PSME4: variants seen among roughly 807,000 people sequenced by gnomAD.
PSME4 encodes the protein proteasome activator subunit 4.
A neutral mutation model predicts 253.9 loss-of-function variants in PSME4; 89 were observed. That is an observed-to-expected ratio of 0.35 (90% CI 0.30 to 0.42). The LOEUF (loss-of-function observed/expected upper bound fraction) is 0.42. Among genes scored for constraint, PSME4 ranks in the 10% least tolerant of loss-of-function variants. PSME4 has a pLI of 1.00. For synonymous variants in PSME4, 851 were observed against 759.2 expected (o/e 1.12, Z -1.99); for missense variants, 2,014 against 2,195.2 (o/e 0.92, Z 1.65).
In PSME4 at chr2:53,908,517, A is replaced by G. The variant is rs747163331; in HGVS notation, c.2678T>C (p.Ile893Thr). 1.8e-5 allele frequency: 29 copies of G among 1,609,760 alleles called. No individual in the cohort carries two copies. The highest frequency in any genetic ancestry group is 2.0e-5 in the Non-Finnish European group (23 of 1,177,762). ...SEDDTKSLFL[I>T]IKIIGDLLQF... ...ATCAAATGACAAATGTACCTTTATA[A>G]TAAGAAACAATGACTTAGTATCATC... The change falls in exon 23 of 47, where the codon ATT (isoleucine) becomes ACT (threonine). Residue 893 changes from isoleucine to threonine, a missense_variant. By Grantham distance (89) the Ile-to-Thr change is moderately conservative. This residue lies in a region of PSME4 where 989 missense variants were observed against 1,021.1 expected (regional missense o/e 0.97). Transcript: ENST00000404125.
In PSME4 at chr2:53,895,618, C is replaced by T. The variant is rs1680104511; in HGVS notation, c.3807G>A (p.Val1269=). 1 of 1,612,542 alleles carries T rather than the reference C, an allele frequency of 6.2e-7. No homozygotes were observed. Among genetic ancestry groups the T allele is most frequent in the Admixed American group, 1.7e-5 (1 of 59,682 alleles). Reference sequence around the variant, plus strand: ...TGTAGTATCCCCAGTGAGTTTTTTCCACAAAGCAACTTGACTCCCATTCTT... The same window carrying T: ...TGTAGTATCCCCAGTGAGTTTTTTCTACAAAGCAACTTGACTCCCATTCTT... ...TKKEWESSCF[V]EKTHWGYYTW... is the part of the protein sequence containing the mutation. The change falls in exon 33 of 47, where the codon GTG becomes GTA. Residue 1269 remains valine (V), a synonymous_variant. Coordinates refer to ENST00000404125, the MANE Select transcript of PSME4 (RefSeq NM_014614.3).
chr2:53,884,021 T>A (rs561777095), intron 41 of PSME4, among the ~76,000 whole-genome samples: 23 of 152,288 alleles, frequency 1.5e-4, no homozygotes, highest in African/African-American at 4.6e-4. Context: ...AGTAAACACG[T>A]TTCTTTTAAA....
At chr2:53,884,387 T>A (rs1204355935) in intron 41 of PSME4, among the ~76,000 whole-genome samples, 1 of 152,154 alleles carries the variant, frequency 6.6e-6, no homozygotes, top group African/African-American at 2.4e-5. Flanking sequence ...ATTTTTGTAT[T>A]TTTAGTAGAG....
At chr2:53,895,841 A>G in intron 32 of PSME4, 105 bp from the exon 33 acceptor site, 2 of 1,043,876 alleles carry the variant, frequency 1.9e-6, no homozygotes, top group East Asian at 2.5e-5. Flanking sequence ...TCACAAAACA[A>G]CACTACAAAA....
intron 1 of PSME4, among the ~76,000 whole-genome samples, chr2:53,958,524 A>AAAC (rs1435066454): frequency 5.3e-5 from 8 of 152,328 alleles, no homozygotes; most frequent in Non-Finnish European, 7.4e-5. Context: ...ATCCATTTGA[A>AAAC]AACACACACG....
chr2:53,925,183 G>C (rs1262021836), intron 14 of PSME4, among the ~76,000 whole-genome samples: 2 of 152,180 alleles, frequency 1.3e-5, no homozygotes, highest in African/African-American at 4.8e-5. Flanking sequence ...ATGTAAAAAA[G>C]TGGCATTAAA....
intron 1 of PSME4, 69 bp downstream of exon 1, chr2:53,970,474 G>A (rs1043053849): frequency 1.3e-6 from 2 of 1,544,098 alleles, no homozygotes; most frequent in Non-Finnish European, 1.7e-6. Flanking sequence ...TGGACAAAGA[G>A]CAACCATCCC....
chr2:53,945,225 T>C (rs551989281), intron 3 of PSME4, among the ~76,000 whole-genome samples: 2 of 152,348 alleles, frequency 1.3e-5, no homozygotes, highest in East Asian at 3.9e-4. Context: ...ATACTATAAC[T>C]TGCAATATGC....
intron 1 of PSME4, among the ~76,000 whole-genome samples, chr2:53,969,304 G>T (rs951519349): frequency 6.6e-5 from 10 of 152,048 alleles, no homozygotes; most frequent in Admixed American, 1.3e-4. Flanking sequence ...CTCTGAAGAG[G>T]GCAAATTACA....
intron 43 of PSME4, chr2:53,871,022 ATTAGTTGCT>A: frequency 6.6e-6 from 1 of 152,356 alleles, no homozygotes; most frequent in South Asian, 2.1e-4. Flanking sequence ...TTTTATGGCT[ATTAGTTGCT>A]TTTCAAAAAA....
At chr2:53,964,309 C>T (rs986683408) in intron 1 of PSME4, among the ~76,000 whole-genome samples, 1 of 152,108 alleles carries the variant, frequency 6.6e-6, no homozygotes, top group Admixed American at 6.5e-5. Flanking sequence ...TTGCTGTGAA[C>T]CTAAAATTGC....
chr2:53,884,775 A>G (rs1375044779), intron 41 of PSME4, among the ~76,000 whole-genome samples: 1 of 152,220 alleles, frequency 6.6e-6, no homozygotes, highest in Non-Finnish European at 1.5e-5. Flanking sequence ...AAGGACCTAT[A>G]TACTAGCAGC....
intron 16 of PSME4, 44 bp downstream of exon 16, chr2:53,923,005 C>T: frequency 7.3e-7 from 1 of 1,377,294 alleles, no homozygotes; most frequent in Non-Finnish European, 9.7e-7. Flanking sequence ...AAGAAAAAAA[C>T]TTATCCAAAA....
At chr2:53,934,782 A>G (rs1669026676) in intron 7 of PSME4, 55 bp from the exon 8 acceptor site, 1 of 1,372,832 alleles carries the variant, frequency 7.3e-7, no homozygotes, top group African/African-American at 1.4e-5. Context: ...ATAATTCTTT[A>G]GCTTAGTAAG....
Position 53,923,335 on chromosome 2 carries a change from G to C in PSME4, c.1894C>G (p.Arg632Gly), listed in dbSNP as rs771999135. The C allele has an allele frequency of 6.2e-7, 1 of 1,605,330 alleles. No homozygotes were observed. The highest frequency in any genetic ancestry group is 2.2e-5 in the East Asian group (1 of 44,754). Residue 632 changes from arginine (R) to glycine (G), a missense_variant, in exon 15 of 47, where the codon CGC becomes GGC. By Grantham distance (125) the Arg-to-Gly change is moderately radical (BLOSUM62 -2). Coordinates refer to ENST00000404125, the MANE Select transcript of PSME4 (RefSeq NM_014614.3). ...VAGRMVADMC[R>G]AAVKCCPEES... ...AATAAACTCACCTTTACAGCAGCGC[G>C]GCACATGTCTGCCACCATGCGACCT...
rs115865351 is a variant in PSME4, at chr2:53,938,028, A to T, written c.546-488T>A. Among the ~76,000 whole-genome samples the T allele has an allele frequency of 5.1e-3, 782 of 152,254 alleles. 4 individuals carry two copies. The highest frequency in any genetic ancestry group is 8.9e-3 in the Non-Finnish European group (604 of 68,016). On this transcript the variant is annotated intron_variant, in intron 4 of 46. Transcript: ENST00000404125. The stretch of plus-strand genomic sequence containing the variant: ...AAAAATTCCCCATCATACTTGGGAT[A>T]AAGTAAATTCTTCTCTTGTCTAAGG...
chr2:53,944,025 T>G (rs909154827), intron 3 of PSME4, among the ~76,000 whole-genome samples: 1 of 152,188 alleles, frequency 6.6e-6, no homozygotes, highest in African/African-American at 2.4e-5. Flanking sequence ...TTGTTTTAAA[T>G]GACAATAAGC....
chr2:53,949,038 G>A, intron 2 of PSME4, 105 bp downstream of exon 2: 1 of 1,357,634 alleles, frequency 7.4e-7, no homozygotes, highest in Non-Finnish European at 9.7e-7. Context: ...TTTCCAAATT[G>A]GCAATTTGAG....
chr2:53,920,080 G>C (rs557070442), intron 19 of PSME4, 113 bp downstream of exon 19: 2 of 912,220 alleles, frequency 2.2e-6, no homozygotes, highest in Non-Finnish European at 3.2e-6. Flanking sequence ...TACATGTATA[G>C]CAGATTTTCA....
Sources: gnomAD v4.1 joint callset for allele counts (sites outside exome capture counted in the v4.1 genomes callset) on GRCh38, gnomAD v4.1.1 for gene constraint, gnomAD v4.1.1 regional missense constraint, MANE v1.5 for transcripts, NCBI Gene and HGNC (gene_info 2026-07-23, HGNC 2026-07-21) for gene names.